The following ANTXR2 variants were observed in gnomAD, a reference collection of about 807,000 sequenced individuals.
The protein encoded by ANTXR2 is anthrax toxin receptor 2.
In ANTXR2, 44 loss-of-function variants were observed where a neutral mutation model predicts 73.7. The ratio of observed to expected loss-of-function variants is 0.60; its 90% CI spans 0.47 to 0.77. ANTXR2 has a LOEUF of 0.77. ANTXR2 is among the 30% of genes least tolerant of loss of function. ANTXR2 has a pLI of 0.00. For synonymous variants in ANTXR2, 217 were observed against 205.9 expected (o/e 1.05, Z -0.46); for missense variants, 604 against 592.5 (o/e 1.02, Z -0.20).
At chr4:79,978,661 T>C (rs1578125576) in intron 14 of ANTXR2, among the ~76,000 whole-genome samples, 1 of 152,346 alleles carries the variant, frequency 6.6e-6, no homozygotes, top group East Asian at 1.9e-4. Context: ...ATAGAGACTC[T>C]ATTTTCTTCT....
Position 79,985,295 on chromosome 4 carries a change from TG to T in ANTXR2, c.1042-433del, listed in dbSNP as rs1274457718. 4.7e-5 allele frequency among the ~76,000 whole-genome samples: 7 copies of T among 149,476 alleles called. No individual in the cohort carries two copies. In the East Asian group the frequency reaches 1.2e-3, roughly 25 times the overall value. On this transcript the variant is annotated intron_variant, in intron 12 of 16. Transcript: ENST00000403729. ...AACCCGGGAGGCAGAGCTTGCAGTG[TG>T]CCGAGATCGTGCCACCGGACTCCAG...
chr4:80,009,482 A>G (rs550107890), intron 11 of ANTXR2, among the ~76,000 whole-genome samples: 1 of 152,300 alleles, frequency 6.6e-6, no homozygotes, highest in South Asian at 2.1e-4. Context: ...ACCATGATTT[A>G]TTGTGAGCTC....
At chr4:79,923,830 A>G (rs952324349) in intron 16 of ANTXR2, among the ~76,000 whole-genome samples, 2 of 152,156 alleles carry the variant, frequency 1.3e-5, no homozygotes, top group African/African-American at 2.4e-5. Context: ...TCTTCACACA[A>G]GTGGCAGAGC....
chr4:79,927,934 T>C (rs569507835), intron 16 of ANTXR2, among the ~76,000 whole-genome samples: 46 of 152,310 alleles, frequency 3.0e-4, no homozygotes, highest in African/African-American at 1.0e-3. Flanking sequence ...GGTGTAGCCA[T>C]TGTGGAACAC....
At chr4:80,000,984 C>A (rs948930741) in intron 12 of ANTXR2, among the ~76,000 whole-genome samples, 7 of 152,000 alleles carry the variant, frequency 4.6e-5, no homozygotes, top group Non-Finnish European at 8.8e-5. Flanking sequence ...AACATATATG[C>A]GTGAGGCACT....
chr4:80,024,631 A>G (rs1202326984), intron 10 of ANTXR2: 2 of 420,110 alleles, frequency 4.8e-6, no homozygotes, highest in South Asian at 1.8e-5. Flanking sequence ...GTGTGGTGGT[A>G]CATGCCTGTA....
At chr4:79,935,509 G>A (rs1325344205) in intron 16 of ANTXR2, among the ~76,000 whole-genome samples, 1 of 86,014 alleles carries the variant, frequency 1.2e-5, no homozygotes, top group Non-Finnish European at 3.0e-5. Flanking sequence ...AAGGCCAGCT[G>A]AACTGGAAAA....
chr4:79,936,330 C>T (rs1728254671), intron 16 of ANTXR2, among the ~76,000 whole-genome samples: 1 of 149,886 alleles, frequency 6.7e-6, no homozygotes, highest in African/African-American at 2.5e-5. Context: ...TTCAGACCTC[C>T]TGTCATCAGA....
intron 16 of ANTXR2, among the ~76,000 whole-genome samples, chr4:79,934,840 CA>C (rs11301737): frequency 0.13 from 14,444 of 108,026 alleles, 1,532 homozygotes; most frequent in East Asian, 0.63. Flanking sequence ...AGTCAAGTTT[CA>C]AAAAAAAAAA....
At chr4:79,908,054 G>C (rs1029398909) in intron 16 of ANTXR2, among the ~76,000 whole-genome samples, 1 of 152,184 alleles carries the variant, frequency 6.6e-6, no homozygotes, top group Non-Finnish European at 1.5e-5. Flanking sequence ...TTCTAAAGAG[G>C]ATTTGCCATT....
intron 16 of ANTXR2, among the ~76,000 whole-genome samples, chr4:79,923,438 A>G (rs1727663279): frequency 6.6e-6 from 1 of 152,054 alleles, no homozygotes; most frequent in Non-Finnish European, 1.5e-5. Flanking sequence ...TGGCCCATCA[A>G]TTAATAGGGA....
chr4:79,910,642 C>T (rs1727097774), intron 16 of ANTXR2, among the ~76,000 whole-genome samples: 1 of 151,170 alleles, frequency 6.6e-6, no homozygotes, highest in Admixed American at 6.6e-5. Flanking sequence ...TAATTTCTTA[C>T]TTAGGAACAA....
rs530505653 is a variant in ANTXR2, at chr4:79,915,633, T to C, written c.1429-8166A>G. ...AGAGTGTTTCAAATTTAAAATTGTA[T>C]ACAAAGCATCCACACGCATAGACAC... On this transcript the variant is annotated intron_variant, in intron 16 of 16. Coordinates refer to ENST00000403729, the MANE Select transcript of ANTXR2 (RefSeq NM_058172.6). Among the ~76,000 whole-genome samples, 56 of 152,106 alleles carry C rather than the reference T, an allele frequency of 3.7e-4. No homozygotes were observed. The South Asian group carries it at 5.8e-3, about 16-fold the overall frequency.
intron 7 of ANTXR2, among the ~76,000 whole-genome samples, chr4:80,042,070 A>G (rs1271574714): frequency 6.6e-6 from 1 of 152,000 alleles, no homozygotes; most frequent in Non-Finnish European, 1.5e-5. Context: ...CTCTCTTATT[A>G]TTATGTTTCT....
intron 16 of ANTXR2, among the ~76,000 whole-genome samples, chr4:79,966,651 A>T (rs1196556673): frequency 6.6e-6 from 1 of 152,198 alleles, no homozygotes; most frequent in East Asian, 1.9e-4. Flanking sequence ...ATAGAAATAA[A>T]ATTTGTAGGA....
At chr4:80,064,444 T>C (rs1560431448) in intron 3 of ANTXR2, among the ~76,000 whole-genome samples, 2 of 152,230 alleles carry the variant, frequency 1.3e-5, no homozygotes, top group African/African-American at 2.4e-5. Flanking sequence ...GAGCATCTAC[T>C]GAGCATCAGG....
At chr4:80,063,414 T>C (rs1160700866) in intron 3 of ANTXR2, among the ~76,000 whole-genome samples, 1 of 139,650 alleles carries the variant, frequency 7.2e-6, no homozygotes, top group East Asian at 2.0e-4. Flanking sequence ...GATTCCAAGA[T>C]AGTAACATTA....
At chr4:79,912,209 G>T (rs1171127504) in intron 16 of ANTXR2, among the ~76,000 whole-genome samples, 1 of 151,734 alleles carries the variant, frequency 6.6e-6, no homozygotes, top group Non-Finnish European at 1.5e-5. Flanking sequence ...CTGACTTTAT[G>T]CTATAGCGAA....
chr4:80,006,929 T>C (rs1264474481), intron 12 of ANTXR2, among the ~76,000 whole-genome samples: 1 of 152,118 alleles, frequency 6.6e-6, no homozygotes, highest in Non-Finnish European at 1.5e-5. Context: ...TTAGGGCATC[T>C]TTTTGCTTTT....
Sources: gnomAD v4.1 joint callset for allele counts (sites outside exome capture counted in the v4.1 genomes callset) on GRCh38, gnomAD v4.1.1 for gene constraint, MANE v1.5 for transcripts, NCBI Gene and HGNC (gene_info 2026-07-23, HGNC 2026-07-21) for gene names.